DNAH9: variants seen among roughly 807,000 people sequenced by gnomAD.
The protein encoded by DNAH9 is DNAH9 variant protein.
A neutral mutation model predicts 471.6 loss-of-function variants in DNAH9; 345 were observed. The observed-to-expected ratio is 0.73, with a 90% CI of 0.67 to 0.80. The LOEUF (loss-of-function observed/expected upper bound fraction) is 0.80. Among genes scored for constraint, DNAH9 ranks in the 30% least tolerant of loss-of-function variants. The probability of loss-of-function intolerance (pLI) is 0.00; values close to 1 mark genes in which losing one functional copy is unlikely to be tolerated. For synonymous variants in DNAH9, 2,093 were observed against 2,123.6 expected (o/e 0.99, Z 0.40); for missense variants, 5,407 against 5,609.2 (o/e 0.96, Z 1.15).
At chr17:11,716,467 C>T (rs1196395063) in intron 26 of DNAH9, among the ~76,000 whole-genome samples, 1 of 152,078 alleles carries the variant, frequency 6.6e-6, no homozygotes, top group Non-Finnish European at 1.5e-5. Flanking sequence ...GTCCACTTTC[C>T]CTCCCTGAAC....
Position 11,692,231 on chromosome 17 carries a change from A to G in DNAH9, c.4615-1637A>G, listed in dbSNP as rs182296983. On this transcript the variant is annotated intron_variant, in intron 20 of 68. Transcript: ENST00000262442. ...CTTGGGCAGGACACTTAACCTCTCA[A>G]TGCCTTGGTTTCCCTGTGTGTAAAC... is the stretch of plus-strand genomic sequence containing the variant. 3.1e-3 allele frequency among the ~76,000 whole-genome samples: 477 copies of G among 152,248 alleles called. 2 individuals carry two copies. Among genetic ancestry groups the G allele is most frequent in the African/African-American group, 0.011 (443 of 41,550 alleles).
intron 36 of DNAH9, among the ~76,000 whole-genome samples, chr17:11,767,588 C>T (rs548406965): frequency 3.2e-4 from 48 of 152,218 alleles, no homozygotes; most frequent in African/African-American, 1.0e-3. Context: ...CCTAAAATGA[C>T]CAATATGGGA....
At chr17:11,618,642 G>C (rs2072794600) in intron 5 of DNAH9, among the ~76,000 whole-genome samples, 2 of 150,824 alleles carry the variant, frequency 1.3e-5, no homozygotes, top group Admixed American at 6.6e-5. Context: ...CTCCAAACCA[G>C]TTTCCTTTTC....
chr17:11,759,249 G>C lies in DNAH9; in HGVS notation c.6995+1557G>C, dbSNP rs74391020. 5.4e-3 allele frequency among the ~76,000 whole-genome samples: 818 copies of C among 151,976 alleles called. 4 individuals carry two copies. Among genetic ancestry groups the C allele is most frequent in the African/African-American group, 0.018 (760 of 41,444 alleles). On this transcript the variant is annotated intron_variant, in intron 35 of 68. Transcript: ENST00000262442. ...TGAATAGCATACATTGTATCCAATG[G>C]GGGTATTTCAACCCTCAACCCCCTG...
intron 61 of DNAH9, among the ~76,000 whole-genome samples, chr17:11,911,259 C>G (rs1973785367): frequency 1.3e-5 from 2 of 152,148 alleles, no homozygotes; most frequent in South Asian, 4.1e-4. Flanking sequence ...CGTAGATATC[C>G]AATTGTCCCT....
At chr17:11,722,308 A>T (rs571437181) in intron 27 of DNAH9, among the ~76,000 whole-genome samples, 1 of 152,302 alleles carries the variant, frequency 6.6e-6, no homozygotes, top group Admixed American at 6.5e-5. Flanking sequence ...CTCACCTTGA[A>T]GTGGGGGATG....
chr17:11,861,746 G>C (rs998578341), intron 50 of DNAH9, among the ~76,000 whole-genome samples: 1 of 152,068 alleles, frequency 6.6e-6, no homozygotes, highest in African/African-American at 2.4e-5. Context: ...ATCTCATTGT[G>C]GTTTTGATTT....
chr17:11,843,995 CTTGT>C (rs1161749229), intron 49 of DNAH9, among the ~76,000 whole-genome samples: 1 of 147,868 alleles, frequency 6.8e-6, no homozygotes, highest in Non-Finnish European at 1.5e-5. Flanking sequence ...AATTATGAAT[CTTGT>C]TTTTTATCTT....
rs1337558771 is a variant in DNAH9, at chr17:11,598,876, C to A, written c.378C>A (p.Pro126=). The change falls in exon 1 of 69, where the codon CCC becomes CCA. Residue 126 remains proline, a synonymous_variant. Coordinates refer to ENST00000262442, the MANE Select transcript of DNAH9 (RefSeq NM_001372.4). ...GCGCAGTGGTCTGCGGGGACCTGCCCGCGGCACCTCTGGAGCACCTAGCCG... is the reference window on the plus strand; with the variant it reads ...GCGCAGTGGTCTGCGGGGACCTGCCAGCGGCACCTCTGGAGCACCTAGCCG... ...FRGAVVCGDL[P]AAPLEHLAAL... is the part of the protein sequence containing the mutation. 12 of 1,541,666 alleles carry A rather than the reference C, an allele frequency of 7.8e-6. No homozygotes were observed. The highest frequency in any genetic ancestry group is 9.6e-6 in the Non-Finnish European group (11 of 1,150,582).
chr17:11,718,054 G>GTA (rs948840996), intron 26 of DNAH9, among the ~76,000 whole-genome samples: 3 of 151,688 alleles, frequency 2.0e-5, no homozygotes, highest in Non-Finnish European at 4.4e-5. Context: ...GTGTGTGTGT[G>GTA]TGTGTAGATA....
chr17:11,889,353 A>G (rs77200195), intron 57 of DNAH9, among the ~76,000 whole-genome samples: 1 of 152,226 alleles, frequency 6.6e-6, no homozygotes, highest in Non-Finnish European at 1.5e-5. Context: ...AAGTACTTTA[A>G]TTGGTTGCCA....
chr17:11,768,300 C>T (rs970071975), intron 36 of DNAH9, among the ~76,000 whole-genome samples, 153 bp from the exon 37 acceptor site: 5 of 152,132 alleles, frequency 3.3e-5, no homozygotes, highest in African/African-American at 4.8e-5. Context: ...CTTGGGGCAG[C>T]GCTGCCTTCC....
chr17:11,754,183 T>C (rs1298632272), intron 33 of DNAH9, among the ~76,000 whole-genome samples: 2 of 152,124 alleles, frequency 1.3e-5, no homozygotes, highest in Non-Finnish European at 1.5e-5. Flanking sequence ...CTGCATAGTA[T>C]TCCATGGTGT....
At position 11,823,288 on chromosome 17, in the gene DNAH9, A is replaced by G. The variant is rs536032115; in HGVS notation, c.9246+254A>G. On this transcript the variant is annotated intron_variant, in intron 48 of 68. Transcript: ENST00000262442. Reference sequence around the variant, plus strand: ...CAGTATCCTCACCATCAGAAACAGTACCAAAAGTTCAGGCTGAGTTCCCCA... The same window carrying G: ...CAGTATCCTCACCATCAGAAACAGTGCCAAAAGTTCAGGCTGAGTTCCCCA... Among the ~76,000 whole-genome samples the G allele has an allele frequency of 3.9e-5, 6 of 152,216 alleles. No individual in the cohort carries two copies. The South Asian group carries it at 1.2e-3, about 32-fold the overall frequency.
chr17:11,722,718 C>CA (rs2075082669), intron 27 of DNAH9, among the ~76,000 whole-genome samples: 1 of 152,110 alleles, frequency 6.6e-6, no homozygotes, highest in South Asian at 2.1e-4. Flanking sequence ...AGACTTGAAG[C>CA]AAAGGTAAAG....
chr17:11,743,452 G>T (rs1379345483), intron 30 of DNAH9, among the ~76,000 whole-genome samples: 1 of 152,000 alleles, frequency 6.6e-6, no homozygotes, highest in Non-Finnish European at 1.5e-5. Flanking sequence ...TTAGCCACTT[G>T]CTAGAGTGAT....
chr17:11,611,370 T>G (rs1319503630), intron 3 of DNAH9, among the ~76,000 whole-genome samples: 1 of 152,216 alleles, frequency 6.6e-6, no homozygotes, highest in Non-Finnish European at 1.5e-5. Context: ...GACTCAACCT[T>G]ACTGCCAGAG....
At chr17:11,734,301 C>T (rs1038756380) in intron 28 of DNAH9, among the ~76,000 whole-genome samples, 1 of 152,206 alleles carries the variant, frequency 6.6e-6, no homozygotes, top group Non-Finnish European at 1.5e-5. Context: ...GTCATCTCAA[C>T]CCTGGCTGCA....
At chr17:11,802,562 G>A (rs1436317226) in intron 43 of DNAH9, among the ~76,000 whole-genome samples, 1 of 151,832 alleles carries the variant, frequency 6.6e-6, no homozygotes, top group Non-Finnish European at 1.5e-5. Context: ...AACCCAGGAG[G>A]TGGAAGTTGC....
Sources: gnomAD v4.1 joint callset for allele counts (sites outside exome capture counted in the v4.1 genomes callset) on GRCh38, gnomAD v4.1.1 for gene constraint, MANE v1.5 for transcripts, NCBI Gene and HGNC (gene_info 2026-07-23, HGNC 2026-07-21) for gene names.